SLC14A2: variants seen among roughly 807,000 people sequenced by gnomAD.
SLC14A2 encodes the protein urea transporter 2.
SLC14A2 carries 91 observed loss-of-function variants against 104.6 expected under a neutral mutation model. The observed-to-expected ratio is 0.87, with a 90% confidence interval of 0.73 to 1.04. The LOEUF is 1.04. SLC14A2 is among the 50% of genes least tolerant of loss of function. The pLI is 0.00. For synonymous variants in SLC14A2, 476 were observed against 466.4 expected, an observed-to-expected ratio of 1.02 and a Z score of -0.27; for missense variants, 1,189 against 1,156.0, an observed-to-expected ratio of 1.03 and a Z score of -0.41.
chr18:45,569,932 C>T (rs1381654819), intron 2 of SLC14A2, among the ~76,000 whole-genome samples: 2 of 152,142 alleles, frequency 1.3e-5, no homozygotes. Flanking sequence ...GACTAAAAGC[C>T]CTGCAATGGC....
intron 1 of SLC14A2, among the ~76,000 whole-genome samples, chr18:45,435,906 A>G (rs139525466): frequency 1.3e-5 from 2 of 152,356 alleles, no homozygotes; most frequent in East Asian, 3.9e-4. Context: ...TACATGGATA[A>G]ATATAAATTC....
At position 45,323,144 on chromosome 18, in the gene SLC14A2, C is replaced by A. The variant is rs1162326118; in HGVS notation, c.-125+109953C>A. Among the ~76,000 whole-genome samples the A allele has an allele frequency of 3.9e-5, 6 of 152,170 alleles. 1 individual carries two copies. The South Asian group carries it at 1.2e-3, about 32-fold the overall frequency. On this transcript the variant is annotated intron_variant, in intron 1 of 20. Coordinates refer to the SLC14A2 transcript ENST00000586448. Reference sequence around the variant, plus strand: ...AGAGTAAACTAATTATGATGGGAACCAAGCTAGGCTCTTGGTGTGTAAATA... The same window carrying A: ...AGAGTAAACTAATTATGATGGGAACAAAGCTAGGCTCTTGGTGTGTAAATA...
At chr18:45,644,218 G>C (rs2045582573) in intron 10 of SLC14A2, 58 bp downstream of exon 10, 1 of 1,558,874 alleles carries the variant, frequency 6.4e-7, no homozygotes, top group South Asian at 1.1e-5. Flanking sequence ...TCCTCTCCCT[G>C]TGTTCTCTGC....
chr18:45,334,201 C>T (rs1041162132), intron 1 of SLC14A2, among the ~76,000 whole-genome samples: 3 of 152,088 alleles, frequency 2.0e-5, no homozygotes, highest in Non-Finnish European at 4.4e-5. Flanking sequence ...GCAGTCATTG[C>T]CCTTTATTGT....
intron 1 of SLC14A2, among the ~76,000 whole-genome samples, chr18:45,303,897 C>G (rs1055569980): frequency 4.6e-5 from 7 of 152,206 alleles, no homozygotes; most frequent in Non-Finnish European, 7.3e-5. Context: ...GCTCCCACTG[C>G]TCCTCCAGCA....
Position 45,673,001 on chromosome 18 carries a change from C to A in SLC14A2, c.2331C>A (p.Leu777=). ...TAGCTCTGTTCATATCCTCACCTCT[C>A]ATTTGCTTGCATGCAGCAATTGGAT... ...FLIALFISSP[L]ICLHAAIGST... The change falls in exon 17 of 20, where the codon CTC becomes CTA. Residue 777 remains leucine (L), a synonymous_variant. Transcript: ENST00000255226. The A allele has an allele frequency of 1.2e-6, 2 of 1,614,188 alleles. No individual in the cohort carries two copies. The highest frequency in any genetic ancestry group is 1.7e-6 in the Non-Finnish European group (2 of 1,180,012).
chr18:45,305,858 A>T (rs1234556534), intron 1 of SLC14A2, among the ~76,000 whole-genome samples: 1 of 152,214 alleles, frequency 6.6e-6, no homozygotes. Flanking sequence ...TTCAGAGAAG[A>T]TATTTCGATT....
At chr18:45,344,990 C>A (rs544840349) in intron 1 of SLC14A2, among the ~76,000 whole-genome samples, 2 of 152,302 alleles carry the variant, frequency 1.3e-5, no homozygotes, top group East Asian at 3.9e-4. Context: ...CTGTGATAAG[C>A]GTGCTGTCCC....
At position 45,624,785 on chromosome 18, in the gene SLC14A2, C is replaced by T; in HGVS notation, c.121C>T (p.Leu41=). ...PSTSPDTHPA[L]PLLEMPEEKD... ...GACATCCCCGGATACTCACCCAGCT[C>T]TGCCCCTCCTGGAAATGCCTGAAGA... The change falls in exon 2 of 20, where the codon CTG becomes TTG. Residue 41 remains leucine (L), a synonymous_variant. Transcript: ENST00000255226. 6.2e-7 allele frequency: 1 copy of T among 1,612,286 alleles called. No homozygotes were observed. Among genetic ancestry groups the T allele is most frequent in the Non-Finnish European group, 8.5e-7 (1 of 1,179,248 alleles).
intron 1 of SLC14A2, among the ~76,000 whole-genome samples, chr18:45,270,089 G>T (rs2084635754): frequency 6.6e-6 from 1 of 151,900 alleles, no homozygotes; most frequent in Non-Finnish European, 1.5e-5. Flanking sequence ...ATGATGGAGG[G>T]GTTGGTGGAT....
At chr18:45,657,500 A>G (rs1308322982) in intron 10 of SLC14A2, among the ~76,000 whole-genome samples, 2 of 144,858 alleles carry the variant, frequency 1.4e-5, no homozygotes, top group African/African-American at 2.5e-5. Context: ...AAAAAAAAAA[A>G]AAAGAAAGGA....
chr18:45,342,977 G>T (rs770806942), intron 1 of SLC14A2, among the ~76,000 whole-genome samples: 1 of 152,014 alleles, frequency 6.6e-6, no homozygotes, highest in African/African-American at 2.4e-5. Flanking sequence ...TTGATACCTG[G>T]ATTACAAACT....
intron 1 of SLC14A2, among the ~76,000 whole-genome samples, chr18:45,342,823 A>T (rs2085409506): frequency 6.6e-6 from 1 of 152,184 alleles, no homozygotes; most frequent in Admixed American, 6.5e-5. Flanking sequence ...GTGACTGGTG[A>T]TTCTCTGAAA....
intron 1 of SLC14A2, among the ~76,000 whole-genome samples, chr18:45,298,435 C>T (rs1456552186): frequency 3.9e-5 from 6 of 152,318 alleles, no homozygotes; most frequent in Middle Eastern, 3.4e-3. Flanking sequence ...AATCCAAGGG[C>T]GTAGCAAGAG....
intron 1 of SLC14A2, among the ~76,000 whole-genome samples, chr18:45,387,258 A>G (rs1170349843): frequency 6.6e-6 from 1 of 152,210 alleles, no homozygotes; most frequent in Non-Finnish European, 1.5e-5. Context: ...GTTCTGCTAC[A>G]GCGTCAAGCA....
the SLC14A2 span, among the ~76,000 whole-genome samples, chr18:45,194,422 T>A: frequency 6.6e-6 from 1 of 152,202 alleles, no homozygotes; most frequent in Non-Finnish European, 1.5e-5. Flanking sequence ...TTTGTCAAAT[T>A]CTATGGAAAT....
intron 2 of SLC14A2, among the ~76,000 whole-genome samples, chr18:45,518,474 G>A (rs896027729): frequency 6.6e-6 from 1 of 152,176 alleles, no homozygotes; most frequent in Non-Finnish European, 1.5e-5. Context: ...CTGGTGGAAA[G>A]CAAAGGTCCC....
At chr18:45,516,707 T>G (rs1244971273) in intron 2 of SLC14A2, among the ~76,000 whole-genome samples, 1 of 152,230 alleles carries the variant, frequency 6.6e-6, no homozygotes, top group African/African-American at 2.4e-5. Context: ...CATTGTAGGT[T>G]TCTCCTGTTC....
At chr18:45,277,543 G>A (rs997108327) in intron 1 of SLC14A2, among the ~76,000 whole-genome samples, 2 of 152,068 alleles carry the variant, frequency 1.3e-5, no homozygotes, top group Admixed American at 6.6e-5. Flanking sequence ...TGAGTAGCTG[G>A]TACTATAGGC....
Sources: gnomAD v4.1 joint callset for allele counts (sites outside exome capture counted in the v4.1 genomes callset) on GRCh38, gnomAD v4.1.1 for gene constraint, MANE v1.5 for transcripts, NCBI Gene and HGNC (gene_info 2026-07-23, HGNC 2026-07-21) for gene names.